The following SLC22A14 variants were observed in gnomAD, a reference collection of about 807,000 sequenced individuals.
The protein encoded by SLC22A14 is solute carrier family 22 member 14, also known as organic cation transporter-like 4.
Under a neutral mutation model 53.9 loss-of-function variants are expected in SLC22A14, and 50 were observed. The ratio of observed to expected loss-of-function variants is 0.93; its 90% CI spans 0.74 to 1.17. SLC22A14 has a LOEUF of 1.17. Ranked by LOEUF, SLC22A14 falls within the 50% of genes most tolerant of loss-of-function variation. The pLI, the probability that SLC22A14 is intolerant of heterozygous loss-of-function variation, is 0.00. For missense variants in SLC22A14, 671 were observed against 734.7 expected, an observed-to-expected ratio of 0.91 and a Z score of 1.00; for synonymous variants, 312 against 303.0, an observed-to-expected ratio of 1.03 and a Z score of -0.31.
At chr3:38,295,887 G>A (rs930712426) in intron 1 of SLC22A14, among the ~76,000 whole-genome samples, 24 of 151,944 alleles carry the variant, frequency 1.6e-4, no homozygotes, top group Admixed American at 8.5e-4. Flanking sequence ...TGGGGAATGG[G>A]TTTCACATAA....
chr3:38,287,153 T>G (rs1703813083), intron 1 of SLC22A14, among the ~76,000 whole-genome samples: 2 of 152,118 alleles, frequency 1.3e-5, no homozygotes, highest in Admixed American at 1.3e-4. Flanking sequence ...TTGTGTCCAG[T>G]TTTTTTCCAC....
rs202022982 is a variant in SLC22A14 at position 38,307,217 on chromosome 3, T to C, written c.517-37T>C. On this transcript the variant is annotated intron_variant, in intron 2 of 10. Coordinates refer to ENST00000448498, the MANE Select transcript of SLC22A14 (RefSeq NM_001320033.2). The surrounding 1 kb of genome is among the most constrained non-coding windows in gnomAD (Gnocchi z 4.4). The stretch of plus-strand genomic sequence containing the variant: ...GAGTCTCAGTCTCTGGACCCAAAGG[T>C]GGGCACCCGTGGCCAATCTCTGTGT... The C allele has an allele frequency of 4.7e-4, 682 of 1,457,012 alleles. 5 individuals carry two copies. The African/African-American group carries it at 8.1e-3, about 17-fold the overall frequency. 90.3% of individuals were successfully genotyped at this position (1,457,012 alleles called of 1,614,324 possible). A position where few individuals can be genotyped will look rare whatever the true frequency, so the allele number is the denominator to read the frequency against.
chr3:38,318,178 T>A lies in SLC22A14; in HGVS notation c.1734-20T>A, dbSNP rs990803855. The A allele has an allele frequency of 6.2e-7, 1 of 1,611,914 alleles. No individual in the cohort carries two copies. The highest frequency in any genetic ancestry group is 1.3e-5 in the African/African-American group (1 of 74,862). On this transcript the variant is annotated intron_variant, in intron 10 of 10. Coordinates refer to ENST00000448498, the MANE Select transcript of SLC22A14 (RefSeq NM_001320033.2). ...CCAGAAAGATGTGGCCCTGGACTCA[T>A]CCTCTGATGGCTCTTTCAGGAATAA...
At chr3:38,317,184 C>T (rs1704647014) in intron 10 of SLC22A14, among the ~76,000 whole-genome samples, 1 of 152,208 alleles carries the variant, frequency 6.6e-6, no homozygotes, top group Non-Finnish European at 1.5e-5. Context: ...GCCCGAGGCC[C>T]TAGAGTGTCC....
upstream of SLC22A14, among the ~76,000 whole-genome samples, chr3:38,280,707 G>C (rs911349893): frequency 6.6e-6 from 1 of 150,628 alleles, no homozygotes; most frequent in East Asian, 1.9e-4. Context: ...TCTGCTCACC[G>C]CAACTTCTGC....
rs1056348966 is a variant in SLC22A14 at position 38,307,032 on chromosome 3, C to T, written c.517-222C>T. ...CCCTACCCCACACACACATCTTGGC[C>T]TATGCCTCTGGTCACTCTCTCCAGG... On this transcript the variant is annotated intron_variant, in intron 2 of 10. Transcript: ENST00000448498. The surrounding 1 kb of genome is among the most constrained non-coding windows in gnomAD (Gnocchi z 4.4). 5.3e-5 allele frequency among the ~76,000 whole-genome samples: 8 copies of T among 152,320 alleles called. No individual in the cohort carries two copies. Among genetic ancestry groups the T allele is most frequent in the South Asian group, 4.1e-4 (2 of 4,830 alleles).
At chr3:38,289,294 A>C (rs1703859061) in intron 1 of SLC22A14, among the ~76,000 whole-genome samples, 1 of 152,136 alleles carries the variant, frequency 6.6e-6, no homozygotes, top group Non-Finnish European at 1.5e-5. Context: ...CAGAAAATTA[A>C]CACTGACATG....
chr3:38,281,500 C>T (rs1703667791), upstream of SLC22A14, among the ~76,000 whole-genome samples: 1 of 152,114 alleles, frequency 6.6e-6, no homozygotes, highest in Non-Finnish European at 1.5e-5. Flanking sequence ...CCCAAGGGGG[C>T]ACAGGTGAGG....
At chr3:38,283,343 C>T (rs944566504) in intron 1 of SLC22A14, among the ~76,000 whole-genome samples, 4 of 152,100 alleles carry the variant, frequency 2.6e-5, no homozygotes, top group African/African-American at 4.8e-5. Context: ...CTCCGGGGGG[C>T]GCTTATGCAG....
intron 1 of SLC22A14, among the ~76,000 whole-genome samples, chr3:38,293,725 G>A (rs1444627069): frequency 2.6e-5 from 4 of 152,158 alleles, no homozygotes; most frequent in African/African-American, 9.7e-5. Flanking sequence ...AATGTCTGCG[G>A]CACCAATTTC....
At chr3:38,283,957 A>G (rs148681506) in intron 1 of SLC22A14, among the ~76,000 whole-genome samples, 4,192 of 152,320 alleles carry the variant, frequency 0.028, 90 homozygotes, top group Non-Finnish European at 0.041. Context: ...CCAAACTTCA[A>G]AAAGAAAATG....
rs541167196 is a variant in SLC22A14 at position 38,292,828 on chromosome 3, A to G, written c.-1+10489A>G. On this transcript the variant is annotated intron_variant, in intron 1 of 10. Transcript: ENST00000448498. The stretch of plus-strand genomic sequence containing the variant: ...CTAGAATGTCTCTCCCTAACAAGGA[A>G]ATGGGGCTTTCAGGCATAATTAGAA... 2.0e-5 allele frequency among the ~76,000 whole-genome samples: 3 copies of G among 152,252 alleles called. No individual in the cohort carries two copies. The East Asian group carries it at 5.8e-4, about 29-fold the overall frequency.
chr3:38,311,378 G>A (rs1014573463), intron 5 of SLC22A14, among the ~76,000 whole-genome samples: 1 of 152,146 alleles, frequency 6.6e-6, no homozygotes, highest in Non-Finnish European at 1.5e-5. Flanking sequence ...CCTGGCTTCC[G>A]CTGATTTGTA....
Position 38,306,210 on chromosome 3 carries a change from TTTG to T in SLC22A14, c.185_187del (p.Phe62_Gly63delinsCys). 6.2e-7 allele frequency: 1 copy of T among 1,613,906 alleles called. No individual in the cohort carries two copies. The highest frequency in any genetic ancestry group is 8.5e-7 in the Non-Finnish European group (1 of 1,179,972). On this transcript the variant is annotated inframe_deletion, in exon 2 of 11. Transcript: ENST00000448498. ...CAACCTCCTGGATGCGGTGGGGGAG[TTTG>T]GCACATTCCAGCAGAGGCTAGTAGC... is the stretch of plus-strand genomic sequence containing the variant.
chr3:38,315,436 C>T, intron 8 of SLC22A14, 122 bp from the exon 9 acceptor site: 1 of 1,044,186 alleles, frequency 9.6e-7, no homozygotes, highest in Non-Finnish European at 1.4e-6. Context: ...CAACCTGCCA[C>T]TCCTCTGACA....
At chr3:38,313,985 C>T in intron 8 of SLC22A14, 44 bp downstream of exon 8, 1 of 1,550,912 alleles carries the variant, frequency 6.4e-7, no homozygotes, top group African/African-American at 1.4e-5. Context: ...AGCCTTCCTG[C>T]TTCCCAAAAC....
intron 5 of SLC22A14, among the ~76,000 whole-genome samples, chr3:38,311,459 T>A (rs541902789): frequency 1.3e-5 from 2 of 152,232 alleles, no homozygotes; most frequent in East Asian, 3.8e-4. Flanking sequence ...TTGTTATTCA[T>A]GGAAAATGAA....
At chr3:38,280,579 A>T (rs1288539654), upstream of SLC22A14, among the ~76,000 whole-genome samples, 6 of 152,014 alleles carry the variant, frequency 3.9e-5, no homozygotes, top group African/African-American at 1.4e-4. Context: ...GCTGATTGGA[A>T]ATTCATCTCA....
At chr3:38,312,974 G>C (rs1215718038) in intron 5 of SLC22A14, 25 bp from the exon 6 acceptor site, 2 of 1,570,208 alleles carry the variant, frequency 1.3e-6, no homozygotes, top group South Asian at 1.2e-5. Context: ...AGAACGGTGA[G>C]ATAAGAGAGG....
Sources: allele counts gnomAD v4.1 joint callset (sites outside exome capture counted in the v4.1 genomes callset), GRCh38; gene constraint gnomAD v4.1.1; non-coding constraint Gnocchi (gnomAD v3.1); transcripts MANE v1.5; gene names NCBI Gene and HGNC (gene_info 2026-07-23, HGNC 2026-07-21).